The following PTPN3 variants were observed in gnomAD, a reference collection of about 807,000 sequenced individuals.
PTPN3 encodes protein tyrosine phosphatase non-receptor type 3, also known as tyrosine-protein phosphatase non-receptor type 3.
In PTPN3, 96 loss-of-function variants were observed where a neutral mutation model predicts 132.7. That is an observed-to-expected ratio of 0.72 (90% CI 0.61 to 0.86). The LOEUF is 0.86. Among genes scored for constraint, PTPN3 ranks in the 40% least tolerant of loss-of-function variants. PTPN3 has a pLI of 0.00. For synonymous variants in PTPN3, 398 were observed against 429.0 expected, an observed-to-expected ratio of 0.93 and a Z score of 0.89; for missense variants, 1,125 against 1,159.6, an observed-to-expected ratio of 0.97 and a Z score of 0.43.
At chr9:109,484,205 T>G (rs578186078) in intron 1 of PTPN3, among the ~76,000 whole-genome samples, 1 of 152,268 alleles carries the variant, frequency 6.6e-6, no homozygotes, top group South Asian at 2.1e-4. Context: ...TGTGGACACA[T>G]GTCCCACAGC....
chr9:109,412,377 A>ATTT (rs60379815), intron 14 of PTPN3, among the ~76,000 whole-genome samples: 127 of 142,712 alleles, frequency 8.9e-4, no homozygotes, highest in African/African-American at 3.1e-3. Flanking sequence ...ACTAATTTTA[A>ATTT]TTTTTTTTTT....
At chr9:109,425,792 C>G (rs1564427481) in intron 12 of PTPN3, among the ~76,000 whole-genome samples, 1 of 152,044 alleles carries the variant, frequency 6.6e-6, no homozygotes, top group Non-Finnish European at 1.5e-5. Context: ...GTGGGTGGAT[C>G]ACCTGAGGTC....
chr9:109,532,912 GC>G, the PTPN3 span: 1 of 996,278 alleles, frequency 1.0e-6, no homozygotes, highest in Non-Finnish European at 1.3e-6. Context: ...TTGTCTCTTT[GC>G]CACCTTGTGG....
At chr9:109,532,688 T>A in the PTPN3 span, 1 of 230,948 alleles carries the variant, frequency 4.3e-6, no homozygotes, top group East Asian at 9.7e-5. Flanking sequence ...TACAGATAGT[T>A]CTATTTATCT....
the PTPN3 span, among the ~76,000 whole-genome samples, chr9:109,510,627 A>G: frequency 7.1e-6 from 1 of 141,492 alleles, no homozygotes; most frequent in Admixed American, 7.2e-5. Context: ...CAACTGTATG[A>G]TTATGAAATA....
chr9:109,409,861 AC>A, intron 16 of PTPN3, 137 bp downstream of exon 16: 1 of 1,388,836 alleles, frequency 7.2e-7, no homozygotes, highest in Non-Finnish European at 9.4e-7. Context: ...AACAAAAAAA[AC>A]CCCCAACTCT....
Position 109,498,041 on chromosome 9 carries a change from G to A in PTPN3, c.-18+178C>T, listed in dbSNP as rs1847759985. Among the ~76,000 whole-genome samples the A allele has an allele frequency of 6.9e-6, 1 of 144,052 alleles. No individual in the cohort carries two copies. The highest frequency in any genetic ancestry group is 2.5e-5 in the African/African-American group (1 of 39,946). The allele number at this position is 144,052 out of a possible 152,430, so 94.5% of individuals were successfully genotyped here. ...CCCCGCCAGGTGAGCGCAGCGGGGC[G>A]CCCCCTCCCCGCCCCGACGTGGTGC... is the stretch of plus-strand genomic sequence containing the variant. On this transcript the variant is annotated intron_variant, in intron 1 of 25. Coordinates refer to ENST00000374541, the MANE Select transcript of PTPN3 (RefSeq NM_002829.4). This position sits in a 1 kb window ranked among gnomAD's most constrained non-coding sequence, Gnocchi z 4.2.
At chr9:109,497,763 G>A (rs1024619224) in intron 1 of PTPN3, among the ~76,000 whole-genome samples, 1 of 152,056 alleles carries the variant, frequency 6.6e-6, no homozygotes, top group African/African-American at 2.4e-5. Flanking sequence ...GCCGAGAGGC[G>A]GATTCGCCCT....
intron 7 of PTPN3, among the ~76,000 whole-genome samples, chr9:109,444,254 C>T (rs1844694044): frequency 6.6e-6 from 1 of 152,200 alleles, no homozygotes; most frequent in African/African-American, 2.4e-5. Flanking sequence ...TGTACTGCCA[C>T]CACAAAGCTA....
chr9:109,534,565 T>G, the PTPN3 span, among the ~76,000 whole-genome samples: 34 of 143,822 alleles, frequency 2.4e-4, no homozygotes, highest in East Asian at 2.4e-3. Flanking sequence ...TCGCCTGAGG[T>G]CAGGAGTTCG....
the PTPN3 span, among the ~76,000 whole-genome samples, chr9:109,514,466 T>C: frequency 6.6e-6 from 1 of 152,170 alleles, no homozygotes; most frequent in African/African-American, 2.4e-5. Context: ...TTTCATTCAT[T>C]CAGGAAATAT....
intron 19 of PTPN3, among the ~76,000 whole-genome samples, chr9:109,393,222 T>C (rs1221480972): frequency 6.6e-6 from 1 of 152,196 alleles, no homozygotes; most frequent in Non-Finnish European, 1.5e-5. Context: ...TCATTAACTA[T>C]TATTTACACA....
the PTPN3 span, among the ~76,000 whole-genome samples, chr9:109,512,368 T>C: frequency 1.2e-4 from 18 of 152,194 alleles, no homozygotes; most frequent in Admixed American, 6.5e-4. Flanking sequence ...CCAACACAAG[T>C]CTCCAAAAGC....
At chr9:109,525,338 G>A in the PTPN3 span, among the ~76,000 whole-genome samples, 3 of 152,184 alleles carry the variant, frequency 2.0e-5, no homozygotes, top group South Asian at 2.1e-4. Context: ...GATTACAGGC[G>A]TGAGCCACTG....
chr9:109,438,600 G>A (rs1844226812), intron 7 of PTPN3, among the ~76,000 whole-genome samples: 1 of 152,280 alleles, frequency 6.6e-6, no homozygotes, highest in South Asian at 2.1e-4. Flanking sequence ...AACCCACTGG[G>A]GGAAATGCCA....
upstream of PTPN3, among the ~76,000 whole-genome samples, chr9:109,502,521 T>C (rs760675203): frequency 1.2e-4 from 18 of 152,172 alleles, 1 homozygote; most frequent in Non-Finnish European, 5.9e-5. Flanking sequence ...CCAGGCAGGG[T>C]GCAGTGGCTC....
At chr9:109,508,869 C>A in the PTPN3 span, among the ~76,000 whole-genome samples, 1 of 151,858 alleles carries the variant, frequency 6.6e-6, no homozygotes, top group South Asian at 2.1e-4. Context: ...CCCCACCCAC[C>A]AACCTCCACA....
chr9:109,496,786 C>G (rs1847686654), intron 1 of PTPN3, among the ~76,000 whole-genome samples: 1 of 152,268 alleles, frequency 6.6e-6, no homozygotes, highest in Admixed American at 6.5e-5. Context: ...AACTGGGGAA[C>G]AGGAATTGCT....
Position 109,454,484 on chromosome 9 carries a change from A to C in PTPN3, c.368+12T>G, listed in dbSNP as rs1185862999. 2.2e-5 allele frequency: 35 copies of C among 1,606,760 alleles called. No individual in the cohort carries two copies. Among genetic ancestry groups the C allele is most frequent in the Non-Finnish European group, 3.0e-5 (35 of 1,175,710 alleles). On this transcript the variant is annotated intron_variant, in intron 5 of 25. Transcript: ENST00000374541. ...ATACACTAAACAGAAAACTTTAAAA[A>C]AATGTTGTTACCTGGTTTGTTCTTG...
Sources: allele counts gnomAD v4.1 joint callset (sites outside exome capture counted in the v4.1 genomes callset), GRCh38; gene constraint gnomAD v4.1.1; non-coding constraint Gnocchi (gnomAD v3.1); transcripts MANE v1.5; gene names NCBI Gene and HGNC (gene_info 2026-07-23, HGNC 2026-07-21).